EYS: variants seen among roughly 807,000 people sequenced by gnomAD.
The protein encoded by EYS is protein eyes shut homolog.
EYS carries 250 observed loss-of-function variants against 282.1 expected under a neutral mutation model. The ratio of observed to expected loss-of-function variants is 0.89; its 90% CI spans 0.80 to 0.98. The LOEUF is 0.98. EYS is among the 50% of genes least tolerant of loss of function. The pLI, the probability that EYS is intolerant of heterozygous loss-of-function variation, is 0.00. For synonymous variants in EYS, 1,355 were observed against 1,282.9 expected (o/e 1.06, Z -1.20); for missense variants, 4,016 against 3,709.0 (o/e 1.08, Z -2.15).
chr6:64,143,342 A>C (rs374356361), intron 31 of EYS, among the ~76,000 whole-genome samples: 1 of 136,252 alleles, frequency 7.3e-6, no homozygotes, highest in East Asian at 2.3e-4. Flanking sequence ...GTGTAAATGC[A>C]GGTTCATTTA....
At chr6:63,872,980 A>G (rs1772852966) in intron 35 of EYS, among the ~76,000 whole-genome samples, 1 of 150,900 alleles carries the variant, frequency 6.6e-6, no homozygotes, top group Non-Finnish European at 1.5e-5. Context: ...AGAGATGCTC[A>G]GGGAGAAAAA....
chr6:64,935,971 C>T (rs965853603), intron 15 of EYS, among the ~76,000 whole-genome samples: 1 of 151,472 alleles, frequency 6.6e-6, no homozygotes, highest in African/African-American at 2.4e-5. Flanking sequence ...AGTCTAAATC[C>T]AGTCAAAGAT....
chr6:64,107,288 TA>T (rs1773057474), intron 31 of EYS, among the ~76,000 whole-genome samples: 45 of 60,764 alleles, frequency 7.4e-4, no homozygotes, highest in East Asian at 3.1e-3. Flanking sequence ...TATATATTTA[TA>T]TATATATATA....
chr6:64,284,077 C>G (rs1337118208), intron 30 of EYS, among the ~76,000 whole-genome samples: 47 of 152,264 alleles, frequency 3.1e-4, no homozygotes, highest in Non-Finnish European at 1.5e-5. Flanking sequence ...GCCTTCCCAA[C>G]AGTCCCCCAA....
At chr6:65,565,738 C>T (rs1769256192) in intron 2 of EYS, among the ~76,000 whole-genome samples, 1 of 152,014 alleles carries the variant, frequency 6.6e-6, no homozygotes, top group Admixed American at 6.6e-5. Flanking sequence ...GAAAATGCGG[C>T]ACATATACAA....
chr6:65,425,907 C>G (rs774952379), intron 5 of EYS, among the ~76,000 whole-genome samples: 1 of 152,024 alleles, frequency 6.6e-6, no homozygotes, highest in African/African-American at 2.4e-5. Flanking sequence ...ATTTATCCAC[C>G]AAACTCAAGT....
At chr6:63,842,686 C>T (rs1562054861) in intron 36 of EYS, among the ~76,000 whole-genome samples, 1 of 152,130 alleles carries the variant, frequency 6.6e-6, no homozygotes, top group Non-Finnish European at 1.5e-5. Flanking sequence ...TTTGCCCATG[C>T]CTATGTCCTG....
intron 24 of EYS, among the ~76,000 whole-genome samples, chr6:64,601,316 A>G (rs763936428): frequency 1.3e-5 from 2 of 152,088 alleles, no homozygotes; most frequent in Admixed American, 6.6e-5. Context: ...ATTTAGAATC[A>G]TTATTTAAAT....
chr6:64,329,046 G>A (rs1158144045), intron 29 of EYS, among the ~76,000 whole-genome samples: 2 of 152,132 alleles, frequency 1.3e-5, no homozygotes, highest in South Asian at 2.1e-4. Flanking sequence ...CGGACTGGCA[G>A]GAATCAATTA....
At chr6:64,045,322 T>A (rs1483354293) in intron 33 of EYS, among the ~76,000 whole-genome samples, 1 of 152,018 alleles carries the variant, frequency 6.6e-6, no homozygotes, top group Non-Finnish European at 1.5e-5. Flanking sequence ...AGGTGGATAC[T>A]GCTATTATTT....
chr6:64,005,967 C>T (rs545759154), intron 33 of EYS, among the ~76,000 whole-genome samples: 1 of 152,186 alleles, frequency 6.6e-6, no homozygotes, highest in Admixed American at 6.6e-5. Context: ...TTATCGGTTC[C>T]ATATGAATTT....
chr6:64,719,941 TAGAA>T (rs1228312134), intron 22 of EYS, among the ~76,000 whole-genome samples: 3 of 152,124 alleles, frequency 2.0e-5, no homozygotes, highest in African/African-American at 7.2e-5. Context: ...GTCTTGCCGT[TAGAA>T]AGACCATAAA....
chr6:64,989,543 A>G (rs1393538747), intron 14 of EYS, among the ~76,000 whole-genome samples: 5 of 137,904 alleles, frequency 3.6e-5, no homozygotes, highest in Non-Finnish European at 6.2e-5. Context: ...TTATGTTATA[A>G]TATATCATAT....
chr6:64,989,394 A>AATACATATATATATAT (rs1554224809), intron 14 of EYS, among the ~76,000 whole-genome samples: 1 of 69,722 alleles, frequency 1.4e-5, no homozygotes, highest in Admixed American at 1.4e-4. Context: ...GGCTAGCTGT[A>AATACATATATATATAT]ATATATATAT....
intron 29 of EYS, among the ~76,000 whole-genome samples, chr6:64,328,803 G>C (rs1328438832): frequency 2.0e-5 from 3 of 152,174 alleles, no homozygotes; most frequent in African/African-American, 7.2e-5. Context: ...GAGAAGATGT[G>C]GTTGTGGTCA....
At chr6:64,683,049 C>T (rs2055173) in intron 22 of EYS, among the ~76,000 whole-genome samples, 122,867 of 152,136 alleles carry the variant, frequency 0.81, 49,929 homozygotes, top group Non-Finnish European at 0.86. Context: ...AAGCAGTAGC[C>T]GCAAGGCTGA....
At chr6:65,336,464 T>A (rs139079692) in intron 10 of EYS, among the ~76,000 whole-genome samples, 1,754 of 151,822 alleles carry the variant, frequency 0.012, 15 homozygotes, top group Non-Finnish European at 0.019. Context: ...TGTATATATA[T>A]GTATTGAATA....
In EYS at chr6:64,798,411, T is replaced by G. The variant is rs147669944; in HGVS notation, c.3443+14967A>C. The stretch of plus-strand genomic sequence containing the variant: ...ATGGATCTACAGAGTCCTTCCCATA[T>G]GTTTTAAGTTACTTTAAGCTTTTAA... On this transcript the variant is annotated intron_variant, in intron 22 of 42. Transcript: ENST00000503581. Among the ~76,000 whole-genome samples the G allele has an allele frequency of 3.3e-3, 495 of 151,996 alleles. 2 individuals carry two copies. Among genetic ancestry groups the G allele is most frequent in the African/African-American group, 0.011 (443 of 41,560 alleles).
Position 65,019,640 on chromosome 6 carries a change from C to T in EYS, c.2138-21937G>A, listed in dbSNP as rs145654610. 1.3e-5 allele frequency among the ~76,000 whole-genome samples: 2 copies of T among 152,292 alleles called. 1 individual carries two copies. Among genetic ancestry groups the T allele is most frequent in the Non-Finnish European group, 2.9e-5 (2 of 68,022 alleles). ...TAATTTAAGACATTAATATCATTAT[C>T]TCTGTCCATTTGCCTAGCTTGCTGA... On this transcript the variant is annotated intron_variant, in intron 13 of 42. Transcript: ENST00000503581.
Sources: gnomAD v4.1 joint callset for allele counts (sites outside exome capture counted in the v4.1 genomes callset) on GRCh38, gnomAD v4.1.1 for gene constraint, MANE v1.5 for transcripts, NCBI Gene and HGNC (gene_info 2026-07-23, HGNC 2026-07-21) for gene names.